AGBL4: variants seen among roughly 807,000 people sequenced by gnomAD.
AGBL4 encodes cytosolic carboxypeptidase 6.
Under a neutral mutation model 66.4 loss-of-function variants are expected in AGBL4, and 58 were observed. The ratio of observed to expected loss-of-function variants is 0.87; its 90% CI spans 0.71 to 1.09. The LOEUF is 1.09. AGBL4 is among the 50% of genes least tolerant of loss of function. The probability of loss-of-function intolerance (pLI) is 0.00; values close to 1 mark genes in which losing one functional copy is unlikely to be tolerated. For synonymous variants in AGBL4, 234 were observed against 222.9 expected (o/e 1.05, Z -0.44); for missense variants, 579 against 631.0 (o/e 0.92, Z 0.88).
rs1049011187 is a variant in AGBL4 at position 48,815,933 on chromosome 1, T to A, written c.634+51258A>T. Among the ~76,000 whole-genome samples the A allele has an allele frequency of 7.2e-5, 11 of 152,314 alleles. No homozygotes were observed. The South Asian group carries it at 2.3e-3, about 32-fold the overall frequency. ...TCTCTTTCTGAAAGCAAATCTTGGT[T>A]CTCTAAAATATCTCTAATGTAATTA... On this transcript the variant is annotated intron_variant, in intron 6 of 13. Coordinates refer to ENST00000371839, the MANE Select transcript of AGBL4 (RefSeq NM_032785.4).
chr1:49,966,949 G>C (rs1657613981), intron 1 of AGBL4, among the ~76,000 whole-genome samples: 1 of 152,198 alleles, frequency 6.6e-6, no homozygotes, highest in East Asian at 1.9e-4. Flanking sequence ...ATTGTGAATA[G>C]TGCTGCAATA....
chr1:49,176,082 T>C (rs1046642137), intron 4 of AGBL4, among the ~76,000 whole-genome samples: 2 of 152,154 alleles, frequency 1.3e-5, no homozygotes, highest in South Asian at 2.1e-4. Context: ...CCATACTCTG[T>C]AGGTACATAG....
At chr1:48,587,349 G>A (rs1165493868) in intron 10 of AGBL4, among the ~76,000 whole-genome samples, 183 bp from the exon 11 acceptor site, 1 of 152,140 alleles carries the variant, frequency 6.6e-6, no homozygotes, top group South Asian at 2.1e-4. Flanking sequence ...AGCAAGCAGA[G>A]TTCTTGAGGT....
At chr1:49,212,032 T>A (rs354156) in intron 4 of AGBL4, among the ~76,000 whole-genome samples, 1 of 151,982 alleles carries the variant, frequency 6.6e-6, no homozygotes, top group Admixed American at 6.6e-5. Flanking sequence ...ATTTTACAGA[T>A]GGTGAAACTA....
In AGBL4 at chr1:49,902,749, AAAAC is replaced by A. The variant is rs761002224; in HGVS notation, c.35-51235_35-51232del. On this transcript the variant is annotated intron_variant, in intron 1 of 13. Transcript: ENST00000371839. ...GCAACAGAGCGAGACTCTGTCTCAA[AAAAC>A]AAACAAACAAACAAACCAGAGAAAT... Among the ~76,000 whole-genome samples, 781 of 152,328 alleles carry A rather than the reference AAAAC, an allele frequency of 5.1e-3. 5 individuals are homozygous for A. The highest frequency in any genetic ancestry group is 8.2e-3 in the Admixed American group (126 of 15,304).
At chr1:48,831,574 C>A (rs1006805726) in intron 6 of AGBL4, among the ~76,000 whole-genome samples, 1 of 152,192 alleles carries the variant, frequency 6.6e-6, no homozygotes, top group Non-Finnish European at 1.5e-5. Flanking sequence ...GATTTTTTAA[C>A]TTCTTGAAGC....
chr1:49,251,796 G>A (rs1459737133), intron 3 of AGBL4, among the ~76,000 whole-genome samples: 1 of 152,208 alleles, frequency 6.6e-6, no homozygotes, highest in Non-Finnish European at 1.5e-5. Context: ...AGAGCACACA[G>A]TCCAGGAGTT....
At chr1:49,675,560 A>T (rs1646562778) in intron 3 of AGBL4, among the ~76,000 whole-genome samples, 1 of 152,092 alleles carries the variant, frequency 6.6e-6, no homozygotes, top group South Asian at 2.1e-4. Context: ...CCATAAAAAT[A>T]AAAAATAAAA....
At chr1:48,580,120 C>T (rs1411052788) in intron 11 of AGBL4, among the ~76,000 whole-genome samples, 3 of 152,116 alleles carry the variant, frequency 2.0e-5, no homozygotes, top group Admixed American at 1.3e-4. Flanking sequence ...CACCTTCAGA[C>T]ATGAGAGCCA....
intron 3 of AGBL4, among the ~76,000 whole-genome samples, chr1:49,508,762 T>G (rs1397891026): frequency 6.6e-6 from 1 of 151,928 alleles, no homozygotes; most frequent in African/African-American, 2.4e-5. Flanking sequence ...ACATGATTAT[T>G]GTGAACATTA....
chr1:49,913,355 A>T (rs917603421), intron 1 of AGBL4, among the ~76,000 whole-genome samples: 2 of 152,270 alleles, frequency 1.3e-5, no homozygotes, highest in African/African-American at 4.8e-5. Context: ...TCCATGTAGG[A>T]ACAAAACTCA....
In AGBL4 at chr1:49,569,059, T is replaced by C. The variant is rs920293959; in HGVS notation, c.282+128254A>G. 5.3e-5 allele frequency among the ~76,000 whole-genome samples: 8 copies of C among 152,294 alleles called. No homozygotes were observed. The East Asian group carries it at 7.7e-4, about 15-fold the overall frequency. ...AGTACTATTCAGCCATGAAAGAGAA[T>C]GAAATCTTGTCATTTGCAACAACAT... On this transcript the variant is annotated intron_variant, in intron 3 of 13. Transcript: ENST00000371839.
chr1:49,731,182 G>A (rs1649417032), intron 2 of AGBL4, among the ~76,000 whole-genome samples: 1 of 152,134 alleles, frequency 6.6e-6, no homozygotes, highest in Non-Finnish European at 1.5e-5. Flanking sequence ...CCTATCAGGT[G>A]TCCTTCTTTA....
intron 5 of AGBL4, among the ~76,000 whole-genome samples, chr1:49,010,133 T>A (rs552459785): frequency 1.3e-5 from 2 of 152,164 alleles, no homozygotes; most frequent in African/African-American, 4.8e-5. Context: ...GAAAACTCCA[T>A]TGACTCAGCC....
At chr1:49,532,910 T>C (rs1382811465) in intron 3 of AGBL4, among the ~76,000 whole-genome samples, 1 of 152,214 alleles carries the variant, frequency 6.6e-6, no homozygotes, top group Non-Finnish European at 1.5e-5. Flanking sequence ...GAAAATCCAC[T>C]GCAGTTTTTC....
intron 3 of AGBL4, among the ~76,000 whole-genome samples, chr1:49,382,351 A>C (rs978318955): frequency 2.0e-5 from 3 of 152,212 alleles, no homozygotes; most frequent in Admixed American, 6.5e-5. Flanking sequence ...AGGATAGTTC[A>C]ACATATAAAA....
chr1:49,797,763 CT>C (rs113661742), intron 2 of AGBL4, among the ~76,000 whole-genome samples: 11 of 149,370 alleles, frequency 7.4e-5, no homozygotes, highest in South Asian at 4.3e-4. Flanking sequence ...TATCATTTTT[CT>C]TTTTTTTTTC....
chr1:49,961,071 A>T (rs897870073), intron 1 of AGBL4, among the ~76,000 whole-genome samples: 1 of 152,134 alleles, frequency 6.6e-6, no homozygotes, highest in Non-Finnish European at 1.5e-5. Flanking sequence ...GTTGAAATTG[A>T]TGAAGCATCA....
chr1:49,420,471 C>T (rs1396393733), intron 3 of AGBL4, among the ~76,000 whole-genome samples: 3 of 151,978 alleles, frequency 2.0e-5, no homozygotes, highest in African/African-American at 7.3e-5. Flanking sequence ...GAGGCCAAGA[C>T]GGGCGGATCA....
Sources: allele counts gnomAD v4.1 joint callset (sites outside exome capture counted in the v4.1 genomes callset), GRCh38; gene constraint gnomAD v4.1.1; transcripts MANE v1.5; gene names NCBI Gene and HGNC (gene_info 2026-07-23, HGNC 2026-07-21).